Variants in CNTN5 observed in about 807,000 individuals in gnomAD.
CNTN5 encodes contactin-5.
Under a neutral mutation model 129.1 loss-of-function variants are expected in CNTN5, and 77 were observed. The ratio of observed to expected loss-of-function variants is 0.60; its 90% confidence interval spans 0.50 to 0.72. The LOEUF is 0.72. Among genes scored for constraint, CNTN5 ranks in the 30% least tolerant of loss-of-function variants. The pLI is 0.00. For missense variants in CNTN5, 1,478 were observed against 1,328.8 expected, an observed-to-expected ratio of 1.11 and a Z score of -1.75; for synonymous variants, 509 against 465.6, an observed-to-expected ratio of 1.09 and a Z score of -1.20.
intron 9 of CNTN5, among the ~76,000 whole-genome samples, chr11:100,034,134 C>A (rs1275678386): frequency 6.6e-6 from 1 of 152,190 alleles, no homozygotes; most frequent in Non-Finnish European, 1.5e-5. Flanking sequence ...TTTCTCAAAT[C>A]TCAGCAGAGC....
intron 1 of CNTN5, among the ~76,000 whole-genome samples, chr11:99,035,986 C>G (rs931366041): frequency 1.1e-4 from 16 of 151,940 alleles, no homozygotes; most frequent in Admixed American, 1.3e-4. Flanking sequence ...AATCTCTCAG[C>G]ATTTGCTTGT....
intron 3 of CNTN5, among the ~76,000 whole-genome samples, chr11:99,598,631 T>C (rs562601842): frequency 6.6e-6 from 1 of 151,782 alleles, no homozygotes; most frequent in African/African-American, 2.4e-5. Flanking sequence ...CTTTTTTTTT[T>C]TTCTCATATG....
chr11:99,139,794 A>T (rs1199208366), intron 1 of CNTN5, among the ~76,000 whole-genome samples: 1 of 152,200 alleles, frequency 6.6e-6, no homozygotes. Context: ...ATCTTTTAAA[A>T]TTATGAAATT....
intron 3 of CNTN5, among the ~76,000 whole-genome samples, chr11:99,780,413 G>T (rs1023719337): frequency 7.9e-5 from 12 of 152,048 alleles, no homozygotes; most frequent in African/African-American, 2.9e-4. Flanking sequence ...TAGCTGGGAG[G>T]AAAGAAAAGA....
At chr11:99,560,183 C>T (rs946889348) in intron 3 of CNTN5, among the ~76,000 whole-genome samples, 11 of 151,836 alleles carry the variant, frequency 7.2e-5, no homozygotes, top group Admixed American at 5.9e-4. Flanking sequence ...TGGAGTAAAC[C>T]ATAATGTTTG....
chr11:100,317,065 A>G (rs957745878), intron 21 of CNTN5, among the ~76,000 whole-genome samples: 1 of 152,226 alleles, frequency 6.6e-6, no homozygotes, highest in African/African-American at 2.4e-5. Context: ...ACATGTCACT[A>G]AAGCCATTTC....
At position 100,318,242 on chromosome 11, in the gene CNTN5, GAAAAA is replaced by G. The variant is rs66824133; in HGVS notation, c.2730+9792_2730+9796del. Among the ~76,000 whole-genome samples the G allele has an allele frequency of 9.1e-5, 7 of 76,738 alleles. No individual in the cohort carries two copies. In the East Asian group the frequency reaches 1.4e-3, roughly 15 times the overall value. 50.3% of individuals were successfully genotyped at this position (76,738 alleles called of 152,430 possible). A position where few individuals can be genotyped will look rare whatever the true frequency, so the allele number is the denominator to read the frequency against. On this transcript the variant is annotated intron_variant, in intron 21 of 24. Coordinates refer to ENST00000524871, the MANE Select transcript of CNTN5 (RefSeq NM_014361.4). ...GGCAATAGAGCGAGACTCTGTCTCA[GAAAAA>G]AAAAAAAAAAAAAAAAAGTCTCATT...
At chr11:99,982,511 G>A (rs1938410941) in intron 8 of CNTN5, among the ~76,000 whole-genome samples, 1 of 152,106 alleles carries the variant, frequency 6.6e-6, no homozygotes, top group African/African-American at 2.4e-5. Flanking sequence ...ACACAGAGAA[G>A]AAATACTGAA....
rs370592874 is a variant in CNTN5 at position 99,894,576 on chromosome 11, C to A, written c.578-21478C>A. Among the ~76,000 whole-genome samples the A allele has an allele frequency of 8.0e-5, 11 of 137,662 alleles. No individual in the cohort carries two copies. The South Asian group carries it at 2.6e-3, about 33-fold the overall frequency. 90.3% of individuals were successfully genotyped at this position (137,662 alleles called of 152,430 possible). A position where few individuals can be genotyped will look rare whatever the true frequency, so the allele number is the denominator to read the frequency against. On this transcript the variant is annotated intron_variant, in intron 6 of 24. Coordinates refer to ENST00000524871, the MANE Select transcript of CNTN5 (RefSeq NM_014361.4). Reference sequence around the variant, plus strand: ...CAAAAACAAAAAAAACAAAACCAAGCAAAACAAACAAACAAAAAAACCATG... The same window carrying A: ...CAAAAACAAAAAAAACAAAACCAAGAAAAACAAACAAACAAAAAAACCATG...
At chr11:99,228,211 T>C (rs1268578368) in intron 1 of CNTN5, among the ~76,000 whole-genome samples, 1 of 152,108 alleles carries the variant, frequency 6.6e-6, no homozygotes, top group Non-Finnish European at 1.5e-5. Flanking sequence ...TATATAGATG[T>C]ATTAATATAA....
intron 6 of CNTN5, among the ~76,000 whole-genome samples, chr11:99,874,320 C>A (rs1948579720): frequency 6.6e-6 from 1 of 152,162 alleles, no homozygotes; most frequent in Non-Finnish European, 1.5e-5. Context: ...CTGAAGAAAT[C>A]CCCACAGTCT....
chr11:100,223,009 T>A (rs202150850), intron 15 of CNTN5, among the ~76,000 whole-genome samples: 4 of 145,772 alleles, frequency 2.7e-5, no homozygotes, highest in African/African-American at 7.6e-5. Context: ...TTTAAAAAAA[T>A]CAAAGGTTTT....
chr11:100,322,286 G>C (rs907176034), intron 21 of CNTN5, among the ~76,000 whole-genome samples: 8 of 151,578 alleles, frequency 5.3e-5, no homozygotes, highest in Non-Finnish European at 1.0e-4. Context: ...GCAGTGGCGC[G>C]ATCTCAGCTC....
At chr11:99,972,130 G>A (rs1591505890) in intron 8 of CNTN5, among the ~76,000 whole-genome samples, 1 of 150,736 alleles carries the variant, frequency 6.6e-6, no homozygotes, top group South Asian at 2.1e-4. Flanking sequence ...GCGTGGTGGC[G>A]GGTGCCTGTA....
chr11:100,052,702 C>T (rs1241609900), intron 9 of CNTN5, among the ~76,000 whole-genome samples: 1 of 151,690 alleles, frequency 6.6e-6, no homozygotes, highest in Non-Finnish European at 1.5e-5. Flanking sequence ...TGAAATTTAG[C>T]AAGCTACTTC....
chr11:99,101,999 A>G (rs1866759276), intron 1 of CNTN5, among the ~76,000 whole-genome samples: 1 of 152,110 alleles, frequency 6.6e-6, no homozygotes, highest in Non-Finnish European at 1.5e-5. Flanking sequence ...GCATTTCTAT[A>G]CATCCTCTGA....
At chr11:100,248,829 C>T (rs1949902263) in intron 16 of CNTN5, among the ~76,000 whole-genome samples, 1 of 152,130 alleles carries the variant, frequency 6.6e-6, no homozygotes, top group African/African-American at 2.4e-5. Context: ...TACAGCCTGG[C>T]ACCACTAGTT....
intron 15 of CNTN5, among the ~76,000 whole-genome samples, chr11:100,212,859 G>A (rs1206009410): frequency 6.6e-6 from 1 of 152,060 alleles, no homozygotes; most frequent in Non-Finnish European, 1.5e-5. Flanking sequence ...ATTACTGCTA[G>A]CTCTAAAATC....
At chr11:99,720,323 G>A (rs940583272) in intron 3 of CNTN5, among the ~76,000 whole-genome samples, 4 of 151,954 alleles carry the variant, frequency 2.6e-5, no homozygotes, top group Non-Finnish European at 5.9e-5. Context: ...TAATCAAGTA[G>A]GCTTCCCCCT....
Sources: gnomAD v4.1 joint callset for allele counts (sites outside exome capture counted in the v4.1 genomes callset) on GRCh38, gnomAD v4.1.1 for gene constraint, MANE v1.5 for transcripts, NCBI Gene and HGNC (gene_info 2026-07-23, HGNC 2026-07-21) for gene names.